Variants in TMX3 observed in about 807,000 individuals in gnomAD.
TMX3 encodes the protein protein disulfide-isomerase TMX3.
In TMX3, 40 loss-of-function variants were observed where a neutral mutation model predicts 64.4. The observed-to-expected ratio is 0.62, with a 90% confidence interval of 0.48 to 0.81. The LOEUF (loss-of-function observed/expected upper bound fraction) is 0.81. TMX3 is among the 30% of genes least tolerant of loss of function. TMX3 has a pLI of 0.00. For synonymous variants in TMX3, 189 were observed against 175.7 expected (o/e 1.08, Z -0.60); for missense variants, 497 against 534.5 (o/e 0.93, Z 0.69).
chr18:68,695,287 ATC>A (rs1914949725), intron 8 of TMX3, among the ~76,000 whole-genome samples: 1 of 152,056 alleles, frequency 6.6e-6, no homozygotes, highest in Non-Finnish European at 1.5e-5. Flanking sequence ...CTTCCAGCTC[ATC>A]TCTTTTTCCT....
At chr18:68,700,670 GAA>G (rs2029956404) in intron 5 of TMX3, 185 bp from the exon 6 acceptor site, 1 of 915,642 alleles carries the variant, frequency 1.1e-6, no homozygotes, top group Non-Finnish European at 1.3e-6. Context: ...TAACACAAAA[GAA>G]AAGAGGCTGT....
Position 68,691,547 on chromosome 18 carries a change from TA to T in TMX3, c.571-187del, listed in dbSNP as rs372167576. 5.0e-4 allele frequency among the ~76,000 whole-genome samples: 76 copies of T among 152,316 alleles called. No individual in the cohort carries two copies. In the East Asian group the frequency reaches 0.013, roughly 25 times the overall value. On this transcript the variant is annotated intron_variant, in intron 8 of 15. Coordinates refer to ENST00000299608, the MANE Select transcript of TMX3 (RefSeq NM_019022.5). The stretch of plus-strand genomic sequence containing the variant: ...TCCAAGAAGTATATCTGAATCTTTT[TA>T]TATATCCCCTTGTACAATGTCCTGT...
In TMX3 at chr18:68,697,913, G is replaced by C. The variant is rs1292376937; in HGVS notation, c.492+19C>G. The C allele has an allele frequency of 1.3e-6, 2 of 1,517,668 alleles. No homozygotes were observed. Among genetic ancestry groups the C allele is most frequent in the Non-Finnish European group, 1.8e-6 (2 of 1,098,126 alleles). The allele number at this position is 1,517,668 out of a possible 1,614,324, so 94.0% of individuals were successfully genotyped here. On this transcript the variant is annotated intron_variant, in intron 7 of 15. Transcript: ENST00000299608. ...AAATTACAATACATCTGTTTTTGTG[G>C]ATTAAAAAAAAGTCTTACTTTCAAA...
chr18:68,686,296 T>C (rs538277047), intron 10 of TMX3, among the ~76,000 whole-genome samples: 22 of 152,284 alleles, frequency 1.4e-4, no homozygotes, highest in Admixed American at 3.3e-4. Context: ...AAAGATGTGT[T>C]CAGTTGAGCC....
intron 8 of TMX3, among the ~76,000 whole-genome samples, chr18:68,696,125 T>C (rs1329497643): frequency 1.3e-5 from 2 of 152,128 alleles, no homozygotes; most frequent in Non-Finnish European, 2.9e-5. Context: ...CCCATCCCAC[T>C]CCTATTTGCC....
chr18:68,686,509 G>A (rs1427251419), intron 10 of TMX3, among the ~76,000 whole-genome samples: 1 of 152,052 alleles, frequency 6.6e-6, no homozygotes, highest in African/African-American at 2.4e-5. Context: ...AGGAGATCGA[G>A]CCCATCCTGG....
At chr18:68,714,881 G>A in intron 1 of TMX3, 55 bp downstream of exon 1, 2 of 1,545,436 alleles carry the variant, frequency 1.3e-6, no homozygotes, top group South Asian at 1.2e-5. Context: ...CCGGCCCCAC[G>A]GCGGGGCCAG....
chr18:68,700,777 A>G (rs972016320), intron 5 of TMX3: 3 of 985,214 alleles, frequency 3.0e-6, no homozygotes, highest in Non-Finnish European at 3.6e-6. Context: ...TTCATGGTCA[A>G]GAGCTTGGAA....
At chr18:68,703,802 T>A (rs1171105344) in intron 4 of TMX3, among the ~76,000 whole-genome samples, 1 of 151,810 alleles carries the variant, frequency 6.6e-6, no homozygotes, top group Non-Finnish European at 1.5e-5. Context: ...CGGTGGCGGG[T>A]GCCTGTAGTC....
At chr18:68,700,732 A>G in intron 5 of TMX3, 3 of 983,724 alleles carry the variant, frequency 3.0e-6, no homozygotes, top group South Asian at 4.7e-5. Flanking sequence ...TGATAACTGC[A>G]TTGTATCTAC....
At chr18:68,706,142 A>C (rs1172909891) in intron 4 of TMX3, 2 of 152,428 alleles carry the variant, frequency 1.3e-5, no homozygotes, top group Non-Finnish European at 2.9e-5. Flanking sequence ...TAATCCCAGC[A>C]CTTTGGGAGG....
At chr18:68,700,699 A>G (rs998748059) in intron 5 of TMX3, 3 of 964,784 alleles carry the variant, frequency 3.1e-6, no homozygotes, top group Admixed American at 6.2e-5. Context: ...TTAAAATTAC[A>G]TGAAAATATC....
rs187140851 is a variant in TMX3 at position 68,675,582 on chromosome 18, A to G, written c.*1351T>C. ...TACATATTTTTTGACCATGCATTAC[A>G]TTATTTTTTAATAAATGTTCAATAA... is the stretch of plus-strand genomic sequence containing the variant. On this transcript the variant is annotated 3_prime_UTR_variant, in exon 16 of 16. Transcript: ENST00000299608. 3.9e-5 allele frequency: 6 copies of G among 152,280 alleles called. No homozygotes were observed. In the East Asian group the frequency reaches 9.6e-4, roughly 24 times the overall value. The allele number at this position is 152,280 out of a possible 1,614,324, so 9.4% of individuals were successfully genotyped here.
At chr18:68,694,715 A>G (rs527540975) in intron 8 of TMX3, among the ~76,000 whole-genome samples, 2 of 152,318 alleles carry the variant, frequency 1.3e-5, no homozygotes, top group African/African-American at 2.4e-5. Context: ...AAGTAAATAC[A>G]TACGCATAAA....
At chr18:68,706,731 C>A (rs993303802) in intron 4 of TMX3, among the ~76,000 whole-genome samples, 3 of 152,164 alleles carry the variant, frequency 2.0e-5, no homozygotes, top group African/African-American at 7.2e-5. Context: ...AAAGTAATTC[C>A]ATTTTTTACC....
intron 4 of TMX3, among the ~76,000 whole-genome samples, chr18:68,702,267 C>T (rs955442994): frequency 5.5e-5 from 8 of 145,164 alleles, no homozygotes; most frequent in African/African-American, 1.0e-4. Context: ...ATTTTAAAAG[C>T]ATAACTTGTA....
Position 68,691,375 on chromosome 18 carries a change from G to C in TMX3, c.571-14C>G. ...TAGTGTCACATACTGCAAAAAATCA[G>C]AAGTTTAAATAACTTTTATCACTAA... On this transcript the variant is annotated splice_polypyrimidine_tract_variant and intron_variant, in intron 8 of 15. Coordinates refer to ENST00000299608, the MANE Select transcript of TMX3 (RefSeq NM_019022.5). 6.8e-7 allele frequency: 1 copy of C among 1,470,596 alleles called. No individual in the cohort carries two copies. The highest frequency in any genetic ancestry group is 2.4e-5 in the East Asian group (1 of 42,552). The allele number at this position is 1,470,596 out of a possible 1,614,324, so 91.1% of individuals were successfully genotyped here.
At chr18:68,710,966 A>C (rs1210117086) in intron 3 of TMX3, among the ~76,000 whole-genome samples, 1 of 152,192 alleles carries the variant, frequency 6.6e-6, no homozygotes, top group African/African-American at 2.4e-5. Flanking sequence ...AATTTTGTCC[A>C]CTGTTAAGAT....
In TMX3 at chr18:68,698,041, A is replaced by G; in HGVS notation, c.393-10T>C. On this transcript the variant is annotated splice_polypyrimidine_tract_variant and intron_variant, in intron 6 of 15. Transcript: ENST00000299608. ...TGGCCGAATTAGAGCCCTGTTGCAC[A>G]ACAAAACAAAAAACAAACTTGAATT... 6.3e-7 allele frequency: 1 copy of G among 1,592,312 alleles called. No individual in the cohort carries two copies.
Sources: gnomAD v4.1 joint callset for allele counts (sites outside exome capture counted in the v4.1 genomes callset) on GRCh38, gnomAD v4.1.1 for gene constraint, MANE v1.5 for transcripts, NCBI Gene and HGNC (gene_info 2026-07-23, HGNC 2026-07-21) for gene names.